Variants in BPTF observed in about 807,000 individuals in gnomAD.
BPTF encodes the protein nucleosome-remodeling factor subunit BPTF.
BPTF carries 18 observed loss-of-function variants against 292.5 expected under a neutral mutation model. That is an observed-to-expected ratio of 0.06 (90% confidence interval 0.04 to 0.09). The LOEUF is 0.09. Ranked by LOEUF, BPTF falls within the 10% of genes least tolerant of loss-of-function variation. The pLI, the probability that BPTF is intolerant of heterozygous loss-of-function variation, is 1.00. For synonymous variants in BPTF, 1,225 were observed against 1,251.9 expected (o/e 0.98, Z 0.45); for missense variants, 2,726 against 3,498.7 (o/e 0.78, Z 5.57).
chr17:67,973,072 A>G lies in BPTF; in HGVS notation c.8540-2700A>G, dbSNP rs2068968284. Reference sequence around the variant, plus strand: ...ATATATTTTATATATATATAAATATATATATAATATATATATATAAGGCCA... The same window carrying G: ...ATATATTTTATATATATATAAATATGTATATAATATATATATATAAGGCCA... On this transcript the variant is annotated intron_variant, in intron 26 of 27. Coordinates refer to ENST00000306378, the MANE Select transcript of BPTF (RefSeq NM_182641.4). Among the ~76,000 whole-genome samples the G allele has an allele frequency of 9.0e-5, 13 of 144,856 alleles. No homozygotes were observed. In the South Asian group the frequency reaches 2.8e-3, roughly 31 times the overall value.
Position 67,911,341 on chromosome 17 carries a change from C to T in BPTF, c.3457C>T (p.Pro1153Ser). 2 of 1,614,074 alleles carry T rather than the reference C, an allele frequency of 1.2e-6. No individual in the cohort carries two copies. Among genetic ancestry groups the T allele is most frequent in the South Asian group, 2.2e-5 (2 of 91,066 alleles). The change falls in exon 11 of 28, where the codon CCT becomes TCT. Residue 1153 changes from proline to serine, a missense_variant. Coordinates refer to ENST00000306378, the MANE Select transcript of BPTF (RefSeq NM_182641.4). ...TTCCTCAGTTCTTAGAATGAGTGAT[C>T]CTAGTCATACCACAAACAAACTTTA... ...SDSSVLRMSDPSHTTNKLYPK... is the reference protein window; with the variant it reads ...SDSSVLRMSDSSHTTNKLYPK...
At chr17:67,939,051 T>A (rs2065154897) in intron 18 of BPTF, among the ~76,000 whole-genome samples, 2 of 152,044 alleles carry the variant, frequency 1.3e-5, no homozygotes, top group African/African-American at 2.4e-5. Flanking sequence ...GAGCTGGCAG[T>A]AGTGTGAATT....
intron 1 of BPTF, among the ~76,000 whole-genome samples, chr17:67,840,104 AT>A (rs113437066): frequency 0.053 from 7,381 of 139,120 alleles, 155 homozygotes; most frequent in South Asian, 0.12. Context: ...AAAAATACTG[AT>A]TTTTTTTTTT....
rs1555607443 is a variant in BPTF, at chr17:67,829,586, G to GA, written c.613+3249_613+3250insA. Among the ~76,000 whole-genome samples, 3 of 152,136 alleles carry GA rather than the reference G, an allele frequency of 2.0e-5. No individual in the cohort carries two copies. The East Asian group carries it at 5.8e-4, about 29-fold the overall frequency. ...ATTAGGCTAAGTACCAGTTTCATTGGTTTTTTAGTCTGTACTTCCTGGAGG... is the reference window on the plus strand; with the variant it reads ...ATTAGGCTAAGTACCAGTTTCATTGGATTTTTTAGTCTGTACTTCCTGGAGG... On this transcript the variant is annotated intron_variant, in intron 1 of 27. Coordinates refer to ENST00000306378, the MANE Select transcript of BPTF (RefSeq NM_182641.4).
chr17:67,979,241 C>T (rs557318737), intron 27 of BPTF, among the ~76,000 whole-genome samples: 4 of 144,486 alleles, frequency 2.8e-5, no homozygotes, highest in South Asian at 2.2e-4. Context: ...TTTACATTTT[C>T]GTAGTAACGT....
intron 4 of BPTF, 58 bp downstream of exon 4, chr17:67,875,078 C>A: frequency 1.4e-6 from 2 of 1,445,048 alleles, no homozygotes; most frequent in Non-Finnish European, 9.5e-7. Flanking sequence ...ATGAAATCTC[C>A]AGTTTTACTT....
chr17:67,975,136 T>G (rs549567390), intron 26 of BPTF: 2 of 152,318 alleles, frequency 1.3e-5, no homozygotes, highest in African/African-American at 4.8e-5. Flanking sequence ...AAACCAAATA[T>G]ATATTTCACA....
At chr17:67,856,970 CCCT>C (rs1427709604) in intron 2 of BPTF, among the ~76,000 whole-genome samples, 1 of 151,920 alleles carries the variant, frequency 6.6e-6, no homozygotes, top group African/African-American at 2.4e-5. Context: ...CTAGAGACAC[CCCT>C]CCTTGTTATC....
intron 1 of BPTF, among the ~76,000 whole-genome samples, chr17:67,828,279 GTCT>G (rs1161015660): frequency 1.3e-5 from 2 of 152,040 alleles, no homozygotes; most frequent in African/African-American, 2.4e-5. Context: ...TCACATGTTG[GTCT>G]TCTTTGCACC....
chr17:67,949,205 A>T (rs1342387932), intron 23 of BPTF, among the ~76,000 whole-genome samples: 1 of 152,138 alleles, frequency 6.6e-6, no homozygotes, highest in Non-Finnish European at 1.5e-5. Context: ...GTCTCTACAA[A>T]ATACACAAAA....
At chr17:67,934,064 T>A (rs181842633) in intron 18 of BPTF, among the ~76,000 whole-genome samples, 412 of 150,888 alleles carry the variant, frequency 2.7e-3, no homozygotes, top group African/African-American at 5.9e-3. Flanking sequence ...AAAAAAAAAA[T>A]AATAATTCAT....
intron 26 of BPTF, among the ~76,000 whole-genome samples, chr17:67,970,210 T>C (rs759614817): frequency 6.7e-6 from 1 of 150,160 alleles, no homozygotes; most frequent in Non-Finnish European, 1.5e-5. Flanking sequence ...TCCTCCAGCC[T>C]GGGCAGCAAG....
intron 1 of BPTF, among the ~76,000 whole-genome samples, chr17:67,831,636 C>A (rs1377235619): frequency 2.6e-5 from 4 of 152,094 alleles, no homozygotes; most frequent in African/African-American, 7.2e-5. Flanking sequence ...TTCCCTTTGA[C>A]TAAAGACCCT....
intron 1 of BPTF, among the ~76,000 whole-genome samples, chr17:67,835,048 C>A (rs909957661): frequency 6.6e-5 from 10 of 152,012 alleles, no homozygotes; most frequent in African/African-American, 2.2e-4. Flanking sequence ...ACTGTCTTTA[C>A]AAAAGAATTA....
chr17:67,912,089 C>A lies in BPTF; in HGVS notation c.4205C>A (p.Thr1402Lys), dbSNP rs1387111829. ...GAGTCTGAAAAGAAAGGACAGAGAA[C>A]AAGTACATTTCAAATAAATGGAAAA... is the stretch of plus-strand genomic sequence containing the variant. ...NRESEKKGQR[T>K]STFQINGKDN... Residue 1402 changes from threonine to lysine, a missense_variant, in exon 11 of 28, where the codon ACA (threonine) becomes AAA (lysine). Thr to Lys is a moderately conservative substitution (Grantham distance 78, BLOSUM62 -1). This residue lies in a region of BPTF where 713 missense variants were observed against 714.9 expected (regional missense o/e 1.00). Coordinates refer to ENST00000306378, the MANE Select transcript of BPTF (RefSeq NM_182641.4). The A allele has an allele frequency of 2.5e-6, 4 of 1,608,066 alleles. No homozygotes were observed. The highest frequency in any genetic ancestry group is 3.4e-6 in the Non-Finnish European group (4 of 1,178,116).
rs148490525 is a variant in BPTF at position 67,964,815 on chromosome 17, C to T, written c.8454+411C>T. Among the ~76,000 whole-genome samples, 459 of 149,142 alleles carry T rather than the reference C, an allele frequency of 3.1e-3. 3 individuals are homozygous for T. The highest frequency in any genetic ancestry group is 0.014 in the Middle Eastern group (4 of 278). On this transcript the variant is annotated intron_variant, in intron 25 of 27. Coordinates refer to ENST00000306378, the MANE Select transcript of BPTF (RefSeq NM_182641.4). ...GGAGATCAGACCATCCTGGCTAACACGGTGAAACCCCGTCTCTACTAAAAA... is the reference window on the plus strand; with the variant it reads ...GGAGATCAGACCATCCTGGCTAACATGGTGAAACCCCGTCTCTACTAAAAA...
intron 1 of BPTF, among the ~76,000 whole-genome samples, chr17:67,841,161 A>G (rs1265562135): frequency 6.6e-6 from 1 of 151,864 alleles, no homozygotes; most frequent in Non-Finnish European, 1.5e-5. Flanking sequence ...TAATCCCAGC[A>G]CTTCGGGAGG....
intron 1 of BPTF, among the ~76,000 whole-genome samples, chr17:67,851,733 C>T (rs1281795877): frequency 6.6e-6 from 1 of 152,174 alleles, no homozygotes; most frequent in African/African-American, 2.4e-5. Context: ...TCCTGAATTT[C>T]TCTCTGAAGT....
intron 1 of BPTF, among the ~76,000 whole-genome samples, chr17:67,842,241 T>C (rs1288823687): frequency 1.3e-5 from 2 of 152,142 alleles, no homozygotes; most frequent in Non-Finnish European, 2.9e-5. Flanking sequence ...CTACATACAT[T>C]GACAGATATA....
Sources: gnomAD v4.1 joint callset for allele counts (sites outside exome capture counted in the v4.1 genomes callset) on GRCh38, gnomAD v4.1.1 for gene constraint, gnomAD v4.1.1 regional missense constraint, MANE v1.5 for transcripts, NCBI Gene and HGNC (gene_info 2026-07-23, HGNC 2026-07-21) for gene names.